LILRB1: variants seen among roughly 807,000 people sequenced by gnomAD.
The protein encoded by LILRB1 is leukocyte immunoglobulin-like receptor subfamily B member 1.
Under a neutral mutation model 74.6 loss-of-function variants are expected in LILRB1, and 59 were observed. The observed-to-expected ratio is 0.79, with a 90% CI of 0.64 to 0.98. The LOEUF (loss-of-function observed/expected upper bound fraction) is 0.98, where lower values mean the gene tolerates loss of function less well. Among genes scored for constraint, LILRB1 ranks in the 50% least tolerant of loss-of-function variants. The probability of loss-of-function intolerance (pLI) is 0.00; values close to 1 mark genes in which losing one functional copy is unlikely to be tolerated. For missense variants in LILRB1, 804 were observed against 822.6 expected, an observed-to-expected ratio of 0.98 and a Z score of 0.28; for synonymous variants, 328 against 333.9, an observed-to-expected ratio of 0.98 and a Z score of 0.19.
upstream of LILRB1, among the ~76,000 whole-genome samples, chr19:54,625,710 A>G (rs2063564582): frequency 8.2e-6 from 1 of 122,346 alleles, no homozygotes; most frequent in Non-Finnish European, 1.6e-5. Context: ...GGAGCCTCGC[A>G]CTCACTCACC....
In LILRB1 at chr19:54,635,600, G is replaced by C. The variant is rs199662863; in HGVS notation, c.1644G>C (p.Met548Ile). 6.2e-7 allele frequency: 1 copy of C among 1,614,032 alleles called. No homozygotes were observed. Among genetic ancestry groups the C allele is most frequent in the Admixed American group, 1.7e-5 (1 of 60,028 alleles). The change falls in exon 13 of 15, where the codon ATG (methionine) becomes ATC (isoleucine). Residue 548 changes from methionine (M) to isoleucine (I), a missense_variant. Physicochemically the swap from Met to Ile is conservative, Grantham distance 10. Coordinates refer to ENST00000324602, the MANE Select transcript of LILRB1 (RefSeq NM_001081637.3). ...CACAGCCTGAGGATGGGGTGGAGATGGACACTCGGGTGAGACCCCACCCCT... is the reference window on the plus strand; with the variant it reads ...CACAGCCTGAGGATGGGGTGGAGATCGACACTCGGGTGAGACCCCACCCCT... The part of the protein sequence containing the change: ...KHTQPEDGVE[M>I]DTRQSPHDED...
Position 54,633,823 on chromosome 19 carries a change from A to G in LILRB1, c.1312+135A>G, listed in dbSNP as rs1386126210. 3.5e-6 allele frequency: 5 copies of G among 1,442,632 alleles called. No homozygotes were observed. In the South Asian group the frequency reaches 4.0e-5, roughly 12 times the overall value. The allele number at this position is 1,442,632 out of a possible 1,614,324, so 89.4% of individuals were successfully genotyped here. ...GCCGGGCAGAGCCAGAGGAGGGGCC[A>G]CAGGGTCCCCAGGGCTCTGAGGCTG... On this transcript the variant is annotated intron_variant, in intron 8 of 14. Coordinates refer to ENST00000324602, the MANE Select transcript of LILRB1 (RefSeq NM_001081637.3).
At chr19:54,630,171 C>T (rs1197763863), upstream of LILRB1, among the ~76,000 whole-genome samples, 4 of 152,278 alleles carry the variant, frequency 2.6e-5, no homozygotes, top group South Asian at 2.1e-4. Flanking sequence ...CATTACCGCC[C>T]GAGGTCACGT....
At chr19:54,619,703 C>T (rs1038251752) in intron 1 of LILRB1, among the ~76,000 whole-genome samples, 2 of 151,838 alleles carry the variant, frequency 1.3e-5, no homozygotes, top group Non-Finnish European at 2.9e-5. Context: ...TTTAGACCTG[C>T]TTTTTTTCTT....
At chr19:54,624,252 G>C (rs907421342) in intron 1 of LILRB1, among the ~76,000 whole-genome samples, 4 of 152,168 alleles carry the variant, frequency 2.6e-5, no homozygotes, top group Admixed American at 6.5e-5. Flanking sequence ...AGGTCTCTGC[G>C]GGGGGTGAAG....
In LILRB1 at chr19:54,635,590, G is replaced by C. The variant is rs758623733; in HGVS notation, c.1634G>C (p.Gly545Ala). 1.9e-6 allele frequency: 3 copies of C among 1,614,008 alleles called. No homozygotes were observed. The highest frequency in any genetic ancestry group is 2.5e-6 in the Non-Finnish European group (3 of 1,179,956). Residue 545 changes from glycine (G) to alanine (A), a missense_variant, in exon 13 of 15, where the codon GGG becomes GCG. Transcript: ENST00000324602. ...GTGAAGCACACACAGCCTGAGGATG[G>C]GGTGGAGATGGACACTCGGGTGAGA... ...AAVKHTQPEDGVEMDTRQSPH... is the reference protein window; with the variant it reads ...AAVKHTQPEDAVEMDTRQSPH...
chr19:54,620,026 C>A (rs1600308579), intron 1 of LILRB1, among the ~76,000 whole-genome samples: 2 of 144,980 alleles, frequency 1.4e-5, no homozygotes, highest in Non-Finnish European at 1.5e-5. Context: ...TTTGGTGATG[C>A]ATATAAAACA....
chr19:54,633,173 G>C lies in LILRB1; in HGVS notation c.1116G>C (p.Thr372=), dbSNP rs369300705. The part of the protein sequence containing the change: ...AADDPWRLRS[T]YQSQKYQAEF... ...ATGACCCATGGCGTCTAAGATCAAC[G>C]TACCAATCTCAAAAATACCAGGCTG... The change falls in exon 7 of 15, where the codon ACG becomes ACC. Residue 372 remains threonine (T), a synonymous_variant. Coordinates refer to ENST00000324602, the MANE Select transcript of LILRB1 (RefSeq NM_001081637.3). The C allele has an allele frequency of 3.7e-6, 3 of 820,468 alleles. No homozygotes were observed. The African/African-American group carries it at 5.2e-5, about 14-fold the overall frequency. 50.8% of individuals were successfully genotyped at this position (820,468 alleles called of 1,614,324 possible).
chr19:54,635,025 T>C, intron 10 of LILRB1, 79 bp from the exon 11 acceptor site: 1 of 1,330,804 alleles, frequency 7.5e-7, no homozygotes, highest in South Asian at 1.5e-5. Context: ...TTAGGTTTCC[T>C]TCCTTACCTT....
intron 9 of LILRB1, 200 bp downstream of exon 9, chr19:54,634,221 C>T (rs2064182508): frequency 6.7e-7 from 1 of 1,497,938 alleles, no homozygotes; most frequent in East Asian, 2.5e-5. Context: ...CTGTGACCTC[C>T]TGGGAGAGGA....
chr19:54,633,909 A>G, intron 8 of LILRB1, 62 bp from the exon 9 acceptor site: 1 of 1,545,712 alleles, frequency 6.5e-7, no homozygotes, highest in Non-Finnish European at 8.8e-7. Flanking sequence ...CTGGGGGAGG[A>G]GCAGCCGGGC....
At position 54,635,177 on chromosome 19, in the gene LILRB1, G is replaced by C. The variant is rs777888355; in HGVS notation, c.1560G>C (p.Trp520Cys). ...AGCCCACAGACAGAGGCCTGCAGTG[G>C]AGGTAATTCTGCCCGAAGACCCCAG... is the stretch of plus-strand genomic sequence containing the variant. ...GPEPTDRGLQ[W>C]RSSPAADAQE... Residue 520 changes from tryptophan to cysteine, a missense_variant and splice_region_variant, in exon 11 of 15, where the codon TGG (tryptophan) becomes TGC (cysteine). By Grantham distance (215) the Trp-to-Cys change is radical. Transcript: ENST00000324602. 6.3e-7 allele frequency: 1 copy of C among 1,596,610 alleles called. No homozygotes were observed. Among genetic ancestry groups the C allele is most frequent in the Non-Finnish European group, 8.6e-7 (1 of 1,167,332 alleles).
At position 54,633,488 on chromosome 19, in the gene LILRB1, C is replaced by A. The variant is rs534376782; in HGVS notation, c.1262-150C>A. The A allele has an allele frequency of 7.0e-5, 84 of 1,192,410 alleles. No homozygotes were observed. In the African/African-American group the frequency reaches 8.2e-4, roughly 12 times the overall value. The allele number at this position is 1,192,410 out of a possible 1,614,324, so 73.9% of individuals were successfully genotyped here. A position where few individuals can be genotyped will look rare whatever the true frequency, so the allele number is the denominator to read the frequency against. On this transcript the variant is annotated intron_variant, in intron 7 of 14. Transcript: ENST00000324602. ...ACAGGGCCCTCCCAGGCCTGCCCAC[C>A]CTCAGTGGCATCGCCAGCATCATGG...
intron 1 of LILRB1, among the ~76,000 whole-genome samples, chr19:54,624,775 C>T (rs937648427): frequency 9.2e-5 from 14 of 152,206 alleles, no homozygotes; most frequent in Non-Finnish European, 2.9e-5. Flanking sequence ...TGGGCTGGTC[C>T]CCAGGGCACA....
chr19:54,628,649 C>A (rs1211410672), upstream of LILRB1, among the ~76,000 whole-genome samples: 1 of 152,066 alleles, frequency 6.6e-6, no homozygotes, highest in East Asian at 1.9e-4. Flanking sequence ...GCTTCCATAC[C>A]CTCCCTGGGC....
rs2064067572 is a variant in LILRB1 at position 54,633,214 on chromosome 19, C to A, written c.1157C>A (p.Pro386His). The change falls in exon 7 of 15, where the codon CCT (proline) becomes CAT (histidine). Residue 386 changes from proline to histidine, a missense_variant. Pro to His is a moderately conservative substitution (Grantham distance 77). Transcript: ENST00000324602. Reference protein sequence around the residue: ...QKYQAEFPMGPVTSAHAGTYR... With the variant: ...QKYQAEFPMGHVTSAHAGTYR... ...TACCAGGCTGAATTCCCCATGGGTC[C>A]TGTGACCTCAGCCCATGCGGGGACC... 1 of 1,614,226 alleles carries A rather than the reference C, an allele frequency of 6.2e-7. No homozygotes were observed. The highest frequency in any genetic ancestry group is 1.1e-5 in the South Asian group (1 of 91,088).
At position 54,637,513 on chromosome 19, in the gene LILRB1, G is replaced by T. The variant is rs2064537769; in HGVS notation, c.*635G>T. The T allele has an allele frequency of 7.3e-6, 1 of 136,886 alleles. No individual in the cohort carries two copies. The highest frequency in any genetic ancestry group is 2.3e-4 in the South Asian group (1 of 4,424). 8.5% of individuals were successfully genotyped at this position (136,886 alleles called of 1,614,324 possible). On this transcript the variant is annotated 3_prime_UTR_variant, in exon 15 of 15. Coordinates refer to ENST00000324602, the MANE Select transcript of LILRB1 (RefSeq NM_001081637.3). Reference sequence around the variant, plus strand: ...GCTCTCCAGCCTGGCGACAGAGGGAGACTCCATCTCAAATTAAAAAAAAAA... The same window carrying T: ...GCTCTCCAGCCTGGCGACAGAGGGATACTCCATCTCAAATTAAAAAAAAAA...
chr19:54,632,297 C>T (rs1187543053), intron 5 of LILRB1, 60 bp downstream of exon 5: 36 of 1,578,192 alleles, frequency 2.3e-5, no homozygotes, highest in East Asian at 6.7e-5. Context: ...GGGGAGCAGC[C>T]GCGTCTCAGG....
In LILRB1 at chr19:54,632,667, C is replaced by T. The variant is rs764308584; in HGVS notation, c.865C>T (p.Arg289Cys). ...CAACTTCACCCTGGGCCCTGTGAGCCGCTCCTACGGGGGCCAGTACAGATG... is the reference window on the plus strand; with the variant it reads ...CAACTTCACCCTGGGCCCTGTGAGCTGCTCCTACGGGGGCCAGTACAGATG... Reference protein sequence around the residue: ...QANFTLGPVSRSYGGQYRCYG... With the variant: ...QANFTLGPVSCSYGGQYRCYG... Residue 289 changes from arginine to cysteine, a missense_variant, in exon 6 of 15, where the codon CGC becomes TGC. Transcript: ENST00000324602. 8.7e-6 allele frequency: 14 copies of T among 1,613,696 alleles called. No homozygotes were observed. In the Admixed American group the frequency reaches 1.2e-4, roughly 13 times the overall value.
Sources: allele counts gnomAD v4.1 joint callset (sites outside exome capture counted in the v4.1 genomes callset), GRCh38; gene constraint gnomAD v4.1.1; transcripts MANE v1.5; gene names NCBI Gene and HGNC (gene_info 2026-07-23, HGNC 2026-07-21).